RANBP17: variants seen among roughly 807,000 people sequenced by gnomAD.
The protein encoded by RANBP17 is ran-binding protein 17.
Under a neutral mutation model 141.2 loss-of-function variants are expected in RANBP17, and 158 were observed. The ratio of observed to expected loss-of-function variants is 1.12; its 90% CI spans 0.98 to 1.28. The LOEUF is 1.28. Among genes scored for constraint, RANBP17 ranks in the 50% most tolerant of loss-of-function variants. The pLI, the probability that RANBP17 is intolerant of heterozygous loss-of-function variation, is 0.00. For missense variants in RANBP17, 1,438 were observed against 1,290.7 expected (o/e 1.11, Z -1.75); for synonymous variants, 430 against 450.0 (o/e 0.96, Z 0.56).
chr5:171,068,929 G>T (rs956649756), intron 14 of RANBP17, among the ~76,000 whole-genome samples: 3 of 152,120 alleles, frequency 2.0e-5, no homozygotes, highest in African/African-American at 7.2e-5. Context: ...CGTTTATTTA[G>T]TAACTTTCCA....
At chr5:171,009,384 T>A (rs1218929877) in intron 14 of RANBP17, among the ~76,000 whole-genome samples, 2 of 152,200 alleles carry the variant, frequency 1.3e-5, no homozygotes, top group South Asian at 2.1e-4. Flanking sequence ...TTGCTTATAA[T>A]CTAAATCTTA....
intron 14 of RANBP17, among the ~76,000 whole-genome samples, chr5:171,075,331 T>C (rs1243125802): frequency 1.3e-5 from 2 of 152,186 alleles, no homozygotes; most frequent in Non-Finnish European, 2.9e-5. Context: ...CCATATCTTC[T>C]TTTCTGCTTG....
At position 171,183,246 on chromosome 5, in the gene RANBP17, T is replaced by C. The variant is rs1323376441; in HGVS notation, c.1929+16T>C. 2 of 1,591,636 alleles carry C rather than the reference T, an allele frequency of 1.3e-6. No homozygotes were observed. The highest frequency in any genetic ancestry group is 1.7e-6 in the Non-Finnish European group (2 of 1,159,796). ...AAACCACACGGTAAGTCTTATTTCT[T>C]TAATTAATGAATAACATTTTACGAA... On this transcript the variant is annotated intron_variant, in intron 17 of 27. Coordinates refer to ENST00000523189, the MANE Select transcript of RANBP17 (RefSeq NM_022897.5).
At chr5:170,897,016 G>A in intron 5 of RANBP17, 7 of 1,108,694 alleles carry the variant, frequency 6.3e-6, no homozygotes, top group Non-Finnish European at 9.4e-6. Flanking sequence ...GGAGCACGCC[G>A]CGGTCAGCCA....
intron 18 of RANBP17, 96 bp from the exon 19 acceptor site, chr5:171,199,574 G>C: frequency 1.5e-6 from 1 of 667,358 alleles, no homozygotes; most frequent in Non-Finnish European, 2.5e-6. Context: ...CCCCTTCTCG[G>C]GAATATTTCT....
intron 24 of RANBP17, among the ~76,000 whole-genome samples, chr5:171,245,559 T>C (rs1293627924): frequency 2.0e-5 from 3 of 152,102 alleles, no homozygotes. Context: ...GATGATCCTC[T>C]TGCCTCAGCC....
intron 25 of RANBP17, among the ~76,000 whole-genome samples, chr5:171,272,591 G>GT (rs887706699): frequency 4.6e-5 from 7 of 152,098 alleles, no homozygotes; most frequent in Non-Finnish European, 8.8e-5. Context: ...GCTGAAATCT[G>GT]TTTAACTGTG....
intron 18 of RANBP17, among the ~76,000 whole-genome samples, chr5:171,184,536 T>G (rs889359274): frequency 6.6e-6 from 1 of 151,688 alleles, no homozygotes. Flanking sequence ...GAATAAGAGA[T>G]CTGTTGTACG....
intron 24 of RANBP17, among the ~76,000 whole-genome samples, chr5:171,247,755 A>G (rs1039016057): frequency 3.9e-5 from 6 of 152,168 alleles, no homozygotes; most frequent in African/African-American, 7.2e-5. Flanking sequence ...TGCATATACT[A>G]TGTACCAAGT....
chr5:170,899,966 C>T (rs1350429991), intron 5 of RANBP17, among the ~76,000 whole-genome samples: 1 of 152,004 alleles, frequency 6.6e-6, no homozygotes, highest in African/African-American at 2.4e-5. Context: ...GGTTTAATGG[C>T]CTGAAATTTT....
At chr5:170,940,198 T>C (rs546864224) in intron 12 of RANBP17, among the ~76,000 whole-genome samples, 17 of 152,190 alleles carry the variant, frequency 1.1e-4, no homozygotes, top group Non-Finnish European at 2.4e-4. Context: ...TTTTTTAAAA[T>C]GTGCTATGCA....
intron 14 of RANBP17, among the ~76,000 whole-genome samples, chr5:171,017,192 TGTAAATA>T (rs1780498276): frequency 6.6e-6 from 1 of 152,192 alleles, no homozygotes; most frequent in South Asian, 2.1e-4. Context: ...TCTTTGCTAT[TGTAAATA>T]GTGCTGCAAT....
intron 14 of RANBP17, among the ~76,000 whole-genome samples, chr5:171,143,944 G>A (rs1024884737): frequency 1.3e-5 from 2 of 152,174 alleles, no homozygotes; most frequent in Non-Finnish European, 2.9e-5. Flanking sequence ...CAGAGGGACT[G>A]GGGGTGTAAA....
At chr5:170,894,463 A>G (rs1239520145) in intron 4 of RANBP17, among the ~76,000 whole-genome samples, 1 of 127,788 alleles carries the variant, frequency 7.8e-6, no homozygotes, top group African/African-American at 3.2e-5. Flanking sequence ...TAGTATCACC[A>G]TAGAATAGTT....
At chr5:170,949,258 A>G (rs1489435450) in intron 12 of RANBP17, among the ~76,000 whole-genome samples, 2 of 152,172 alleles carry the variant, frequency 1.3e-5, no homozygotes, top group Non-Finnish European at 1.5e-5. Flanking sequence ...CAGAGTTGCA[A>G]ATTTTGTGCA....
At chr5:171,066,194 A>T (rs1467953153) in intron 14 of RANBP17, among the ~76,000 whole-genome samples, 2 of 151,920 alleles carry the variant, frequency 1.3e-5, no homozygotes, top group African/African-American at 4.8e-5. Context: ...TTGAAATAAA[A>T]CTAAATTTGT....
chr5:171,206,342 A>G (rs1019515805), intron 20 of RANBP17: 1 of 155,940 alleles, frequency 6.4e-6, no homozygotes, highest in African/African-American at 2.4e-5. Context: ...GTATATTGTA[A>G]CCATTAAAAT....
rs542213195 is a variant in RANBP17, at chr5:170,957,107, A to ACACACACG, written c.1574+3406_1574+3407insACACACGC. 6.6e-3 allele frequency among the ~76,000 whole-genome samples: 997 copies of ACACACACG among 150,472 alleles called. 22 individuals carry two copies. The highest frequency in any genetic ancestry group is 0.039 in the East Asian group (196 of 5,002). ...CACACACACACACACACACACACACACGCGCACACTGCCACTATCTCGTGA... is the reference window on the plus strand; with the variant it reads ...CACACACACACACACACACACACACACACACACGCGCGCACACTGCCACTATCTCGTGA... On this transcript the variant is annotated intron_variant, in intron 13 of 27. Coordinates refer to ENST00000523189, the MANE Select transcript of RANBP17 (RefSeq NM_022897.5).
intron 14 of RANBP17, among the ~76,000 whole-genome samples, chr5:171,003,765 C>T (rs1044475161): frequency 6.6e-6 from 1 of 152,148 alleles, no homozygotes; most frequent in African/African-American, 2.4e-5. Flanking sequence ...AGCCTTGCGG[C>T]AGTACAGCCC....
Sources: allele counts gnomAD v4.1 joint callset (sites outside exome capture counted in the v4.1 genomes callset), GRCh38; gene constraint gnomAD v4.1.1; transcripts MANE v1.5; gene names NCBI Gene and HGNC (gene_info 2026-07-23, HGNC 2026-07-21).